DOCK3: variants seen among roughly 807,000 people sequenced by gnomAD.
DOCK3 encodes dedicator of cytokinesis protein 3.
A neutral mutation model predicts 265.6 loss-of-function variants in DOCK3; 60 were observed. The observed-to-expected ratio is 0.23, with a 90% CI of 0.18 to 0.28. The LOEUF (loss-of-function observed/expected upper bound fraction) is 0.28. Ranked by LOEUF, DOCK3 falls within the 10% of genes least tolerant of loss-of-function variation. The pLI is 1.00. For missense variants in DOCK3, 1,981 were observed against 2,594.3 expected, an observed-to-expected ratio of 0.76 and a Z score of 5.14; for synonymous variants, 881 against 938.0, an observed-to-expected ratio of 0.94 and a Z score of 1.11.
chr3:51,336,721 G>C (rs2110040904), intron 35 of DOCK3, among the ~76,000 whole-genome samples: 1 of 152,356 alleles, frequency 6.6e-6, no homozygotes, highest in Non-Finnish European at 1.5e-5. Flanking sequence ...AGCAGTCATA[G>C]AGCACAGAAG....
intron 3 of DOCK3, 23 bp downstream of exon 3, chr3:50,841,738 C>CTTTTTTTTTTCTTTTTTTTTTTTTTT: frequency 1.9e-6 from 1 of 536,466 alleles, no homozygotes; most frequent in Non-Finnish European, 3.0e-6. Flanking sequence ...TTATTGTTAC[C>CTTTTTTTTTTCTTTTTTTTTTTTTTT]TTTTCTAATG....
chr3:51,022,137 CA>C (rs2079621163), intron 5 of DOCK3, among the ~76,000 whole-genome samples: 1 of 152,040 alleles, frequency 6.6e-6, no homozygotes, highest in Non-Finnish European at 1.5e-5. Flanking sequence ...AGTTTTTAAA[CA>C]ATTTACTTTG....
chr3:51,207,935 A>C (rs2089305691), intron 12 of DOCK3, among the ~76,000 whole-genome samples: 1 of 152,186 alleles, frequency 6.6e-6, no homozygotes, highest in Non-Finnish European at 1.5e-5. Context: ...ATCTTTTTCC[A>C]ATTGTTTTAT....
chr3:50,752,655 G>A (rs1206945094), intron 1 of DOCK3, among the ~76,000 whole-genome samples: 1 of 152,054 alleles, frequency 6.6e-6, no homozygotes, highest in Non-Finnish European at 1.5e-5. Flanking sequence ...GCACACACCT[G>A]TAATCCCAAC....
At chr3:50,749,945 G>A (rs1390289228) in intron 1 of DOCK3, among the ~76,000 whole-genome samples, 4 of 151,896 alleles carry the variant, frequency 2.6e-5, no homozygotes, top group Non-Finnish European at 4.4e-5. Flanking sequence ...ATCCCTTAAC[G>A]CAGGGGCCCC....
chr3:51,379,511 C>T (rs2088434366), intron 51 of DOCK3: 7 of 985,370 alleles, frequency 7.1e-6, no homozygotes, highest in Non-Finnish European at 8.4e-6. Flanking sequence ...CCAGCCCTTC[C>T]TGTCTGCCCA....
intron 38 of DOCK3, among the ~76,000 whole-genome samples, chr3:51,347,431 C>T (rs1426453150): frequency 6.6e-6 from 1 of 152,098 alleles, no homozygotes; most frequent in Non-Finnish European, 1.5e-5. Context: ...TCAGGTTTGT[C>T]AAAGATCAGA....
At chr3:51,177,859 C>A (rs541180939) in intron 12 of DOCK3, among the ~76,000 whole-genome samples, 21 of 151,994 alleles carry the variant, frequency 1.4e-4, no homozygotes, top group South Asian at 4.2e-4. Flanking sequence ...AGCATAGTGG[C>A]GCATGCCTGT....
intron 9 of DOCK3, among the ~76,000 whole-genome samples, chr3:51,137,531 A>G (rs1325948017): frequency 6.6e-6 from 1 of 152,158 alleles, no homozygotes; most frequent in Non-Finnish European, 1.5e-5. Context: ...GCAGTCACCA[A>G]ACATTTGTTG....
intron 2 of DOCK3, chr3:50,787,632 T>TGGCTCTGCAGGAA: frequency 7.8e-7 from 1 of 1,281,364 alleles, no homozygotes; most frequent in South Asian, 1.2e-5. Flanking sequence ...TACGCTTAGG[T>TGGCTCTGCAGGAA]GGCTCTGCAC....
chr3:51,073,869 A>G (rs1226007477), intron 6 of DOCK3, among the ~76,000 whole-genome samples: 1 of 152,162 alleles, frequency 6.6e-6, no homozygotes, highest in African/African-American at 2.4e-5. Flanking sequence ...TTGCTTCTAT[A>G]ATACTTTCTC....
chr3:51,018,453 T>A (rs1267934096), intron 5 of DOCK3, among the ~76,000 whole-genome samples: 8 of 148,132 alleles, frequency 5.4e-5, no homozygotes, highest in African/African-American at 2.0e-4. Context: ...TTTTTTTTTT[T>A]AAGTAAAATT....
At chr3:51,184,987 C>T (rs750413513) in intron 12 of DOCK3, among the ~76,000 whole-genome samples, 13 of 152,052 alleles carry the variant, frequency 8.5e-5, no homozygotes, top group Non-Finnish European at 1.8e-4. Context: ...GGAACAATCC[C>T]ACCTGAAAAC....
At chr3:51,122,341 A>G (rs762446506) in intron 9 of DOCK3, among the ~76,000 whole-genome samples, 2 of 152,136 alleles carry the variant, frequency 1.3e-5, no homozygotes, top group Non-Finnish European at 2.9e-5. Context: ...GTATCCAGGT[A>G]TGGTGGTGTG....
At chr3:50,895,237 C>G in intron 4 of DOCK3, among the ~76,000 whole-genome samples, 1 of 124,320 alleles carries the variant, frequency 8.0e-6, no homozygotes, top group African/African-American at 3.0e-5. Flanking sequence ...ACTTGAAAAA[C>G]TCTTTTTTTC....
chr3:51,102,860 ACTTCTAATGG>A (rs1185800405), intron 9 of DOCK3, among the ~76,000 whole-genome samples: 2 of 152,186 alleles, frequency 1.3e-5, no homozygotes, highest in African/African-American at 4.8e-5. Context: ...TGATGTGTAA[ACTTCTAATGG>A]CATCTAGAGA....
At chr3:51,257,080 A>G (rs1470943053) in intron 22 of DOCK3, among the ~76,000 whole-genome samples, 2 of 152,204 alleles carry the variant, frequency 1.3e-5, no homozygotes, top group African/African-American at 2.4e-5. Flanking sequence ...TGGGAAAGAT[A>G]AGGTTTGGGT....
At chr3:50,978,159 C>T (rs2108526006) in intron 5 of DOCK3, among the ~76,000 whole-genome samples, 1 of 151,398 alleles carries the variant, frequency 6.6e-6, no homozygotes, top group Middle Eastern at 3.4e-3. Context: ...AAGTCATTCT[C>T]CATCCAACTT....
chr3:51,350,047 C>T (rs1271960243), intron 39 of DOCK3, among the ~76,000 whole-genome samples: 5 of 152,218 alleles, frequency 3.3e-5, no homozygotes, highest in African/African-American at 9.6e-5. Flanking sequence ...AGCAGCTGCA[C>T]GTGGCTGCAG....
Sources: gnomAD v4.1 joint callset for allele counts (sites outside exome capture counted in the v4.1 genomes callset) on GRCh38, gnomAD v4.1.1 for gene constraint, MANE v1.5 for transcripts, NCBI Gene and HGNC (gene_info 2026-07-23, HGNC 2026-07-21) for gene names.